The following PLCH1 variants were observed in gnomAD, a reference collection of about 807,000 sequenced individuals.
PLCH1 encodes the protein phospholipase C eta 1, also known as 1-phosphatidylinositol 4,5-bisphosphate phosphodiesterase eta-1.
In PLCH1, 60 loss-of-function variants were observed where a neutral mutation model predicts 126.7. That is an observed-to-expected ratio of 0.47 (90% CI 0.38 to 0.59). PLCH1 has a LOEUF of 0.59. PLCH1 is among the 20% of genes least tolerant of loss of function. The probability of loss-of-function intolerance (pLI) is 0.00; values close to 1 mark genes in which losing one functional copy is unlikely to be tolerated. For synonymous variants in PLCH1, 719 were observed against 734.9 expected, an observed-to-expected ratio of 0.98 and a Z score of 0.35; for missense variants, 1,723 against 2,040.0, an observed-to-expected ratio of 0.84 and a Z score of 2.99.
At chr3:155,596,634 A>G (rs1733023286) in intron 2 of PLCH1, among the ~76,000 whole-genome samples, 1 of 152,034 alleles carries the variant, frequency 6.6e-6, no homozygotes. Flanking sequence ...TCATAGGGCT[A>G]TCTTCTGTTC....
chr3:155,597,644 T>C (rs1220904447), intron 2 of PLCH1, among the ~76,000 whole-genome samples: 1 of 152,158 alleles, frequency 6.6e-6, no homozygotes, highest in Non-Finnish European at 1.5e-5. Flanking sequence ...AAATATTTTA[T>C]CTTAACTAGG....
At chr3:155,574,592 G>A (rs1189014901) in intron 6 of PLCH1, among the ~76,000 whole-genome samples, 1 of 152,006 alleles carries the variant, frequency 6.6e-6, no homozygotes, top group East Asian at 1.9e-4. Flanking sequence ...ATTTCAAGAG[G>A]GAGTGAAGAA....
chr3:155,476,448 A>AAT, downstream of PLCH1, among the ~76,000 whole-genome samples: 1 of 152,154 alleles, frequency 6.6e-6, no homozygotes, highest in Non-Finnish European at 1.5e-5. Context: ...TAGCTAGAGC[A>AAT]ATCAGACAAG....
At chr3:155,621,756 A>T (rs746927375) in intron 2 of PLCH1, among the ~76,000 whole-genome samples, 5 of 152,208 alleles carry the variant, frequency 3.3e-5, no homozygotes, top group Non-Finnish European at 5.9e-5. Context: ...GAAATACGGG[A>T]CTATGTAAAA....
chr3:155,720,137 G>A (rs1437110299), intron 1 of PLCH1, among the ~76,000 whole-genome samples: 2 of 152,160 alleles, frequency 1.3e-5, no homozygotes, highest in Non-Finnish European at 2.9e-5. Context: ...CATTTGGGCT[G>A]TTTCAATATT....
chr3:155,451,989 C>A (rs1187953312), intron 21 of PLCH1, among the ~76,000 whole-genome samples: 1 of 152,176 alleles, frequency 6.6e-6, no homozygotes, highest in Non-Finnish European at 1.5e-5. Context: ...TAATAAATCT[C>A]TCTCAATCCC....
intron 21 of PLCH1, among the ~76,000 whole-genome samples, chr3:155,463,893 G>C (rs1271545452): frequency 1.3e-5 from 2 of 152,178 alleles, no homozygotes; most frequent in African/African-American, 4.8e-5. Context: ...TGGGATAGTA[G>C]ACTGTTTACT....
At chr3:155,710,793 A>G (rs1747064043) in intron 1 of PLCH1, among the ~76,000 whole-genome samples, 2 of 151,550 alleles carry the variant, frequency 1.3e-5, no homozygotes, top group Non-Finnish European at 1.5e-5. Flanking sequence ...AGATCGTGCC[A>G]CTATACTCCA....
chr3:155,653,146 GATATAGATATAGATATAGAT>G (rs1297251905), intron 2 of PLCH1, among the ~76,000 whole-genome samples: 1 of 89,922 alleles, frequency 1.1e-5, no homozygotes, highest in African/African-American at 4.7e-5. Flanking sequence ...TATAGATATA[GATATAGATATAGATATAGAT>G]ATAGATATAG....
chr3:155,497,818 G>A (rs1168525538), intron 14 of PLCH1, among the ~76,000 whole-genome samples: 1 of 152,082 alleles, frequency 6.6e-6, no homozygotes, highest in African/African-American at 2.4e-5. Context: ...AGGTTCAAGT[G>A]ATTCTCCTGC....
At chr3:155,686,959 C>T (rs1037239641) in intron 2 of PLCH1, among the ~76,000 whole-genome samples, 3 of 152,098 alleles carry the variant, frequency 2.0e-5, no homozygotes, top group South Asian at 2.1e-4. Context: ...ACTAGAAATG[C>T]CCCTTGTTTA....
chr3:155,552,203 T>C (rs1726238078), intron 9 of PLCH1, among the ~76,000 whole-genome samples: 1 of 152,260 alleles, frequency 6.6e-6, no homozygotes, highest in Non-Finnish European at 1.5e-5. Flanking sequence ...ATTGTAATTT[T>C]AATTTGTTTC....
chr3:155,677,078 C>A (rs925378487), intron 2 of PLCH1, among the ~76,000 whole-genome samples: 10 of 152,202 alleles, frequency 6.6e-5, no homozygotes, highest in African/African-American at 2.2e-4. Context: ...TGTAACTAAG[C>A]CTCTCATCCT....
At chr3:155,475,586 A>G (rs1713507928), downstream of PLCH1, among the ~76,000 whole-genome samples, 1 of 152,172 alleles carries the variant, frequency 6.6e-6, no homozygotes, top group Non-Finnish European at 1.5e-5. Context: ...CTAAGAAAAA[A>G]GAGAGAAGAT....
At chr3:155,542,327 T>A (rs1576959737) in intron 10 of PLCH1, among the ~76,000 whole-genome samples, 2 of 152,112 alleles carry the variant, frequency 1.3e-5, no homozygotes, top group Admixed American at 1.3e-4. Flanking sequence ...GCAGCGAGGC[T>A]GGGGGAGGGG....
intron 10 of PLCH1, among the ~76,000 whole-genome samples, chr3:155,524,287 T>C (rs912229158): frequency 2.0e-5 from 3 of 152,194 alleles, no homozygotes; most frequent in African/African-American, 7.2e-5. Context: ...AAAATGGTGA[T>C]GGCAAAGGGC....
At chr3:155,731,759 T>C (rs73005140) in intron 1 of PLCH1, among the ~76,000 whole-genome samples, 7,333 of 152,084 alleles carry the variant, frequency 0.048, 615 homozygotes, top group African/African-American at 0.17. Flanking sequence ...AAGGCAAGCA[T>C]ATAACTTGAA....
intron 2 of PLCH1, among the ~76,000 whole-genome samples, chr3:155,693,046 T>G (rs1321854316): frequency 6.6e-6 from 1 of 151,976 alleles, no homozygotes. Flanking sequence ...CCTCCCAAAG[T>G]GCTGGGATTA....
intron 2 of PLCH1, among the ~76,000 whole-genome samples, chr3:155,691,921 G>A (rs977051341): frequency 6.6e-5 from 10 of 151,972 alleles, no homozygotes; most frequent in South Asian, 2.1e-4. Flanking sequence ...ACAACATTGT[G>A]AGGTCAATTA....
Sources: gnomAD v4.1 joint callset for allele counts (sites outside exome capture counted in the v4.1 genomes callset) on GRCh38, gnomAD v4.1.1 for gene constraint, MANE v1.5 for transcripts, NCBI Gene and HGNC (gene_info 2026-07-23, HGNC 2026-07-21) for gene names.